CDH13: variants seen among roughly 807,000 people sequenced by gnomAD.
CDH13 encodes cadherin 13, also known as cadherin-13.
CDH13 carries 24 observed loss-of-function variants against 63.8 expected under a neutral mutation model. That is an observed-to-expected ratio of 0.38 (90% CI 0.27 to 0.53). The LOEUF (loss-of-function observed/expected upper bound fraction) is 0.53. CDH13 is among the 20% of genes least tolerant of loss of function. The pLI, the probability that CDH13 is intolerant of heterozygous loss-of-function variation, is 0.85. For synonymous variants in CDH13, 503 were observed against 355.3 expected (o/e 1.42, Z -4.67); for missense variants, 1,049 against 903.1 (o/e 1.16, Z -2.07).
At chr16:83,266,472 T>C (rs1907634947) in intron 5 of CDH13, among the ~76,000 whole-genome samples, 1 of 152,206 alleles carries the variant, frequency 6.6e-6, no homozygotes, top group African/African-American at 2.4e-5. Context: ...ATTTTAATTA[T>C]AACATCTGTG....
chr16:83,225,660 T>G (rs2039818552), intron 5 of CDH13, among the ~76,000 whole-genome samples: 1 of 152,190 alleles, frequency 6.6e-6, no homozygotes. Context: ...TGAACTTTGT[T>G]GCCCTTAGAA....
At chr16:83,515,166 C>T (rs542293278) in intron 7 of CDH13, among the ~76,000 whole-genome samples, 1 of 152,272 alleles carries the variant, frequency 6.6e-6, no homozygotes, top group African/African-American at 2.4e-5. Context: ...TTCTCCCCTG[C>T]AGATGTAAGA....
intron 5 of CDH13, among the ~76,000 whole-genome samples, chr16:83,246,463 A>T (rs1905004525): frequency 6.6e-6 from 1 of 152,202 alleles, no homozygotes; most frequent in African/African-American, 2.4e-5. Context: ...ACTCCGAGAG[A>T]TTCACTAGCT....
intron 1 of CDH13, among the ~76,000 whole-genome samples, chr16:82,744,883 G>T (rs1167587204): frequency 6.6e-6 from 1 of 152,116 alleles, no homozygotes; most frequent in East Asian, 1.9e-4. Context: ...ATACCCAGTT[G>T]TATCACTCTA....
At chr16:82,746,505 T>A (rs1230750990) in intron 1 of CDH13, among the ~76,000 whole-genome samples, 2 of 152,054 alleles carry the variant, frequency 1.3e-5, no homozygotes, top group African/African-American at 4.8e-5. Flanking sequence ...AATCTAAGAC[T>A]TTTTTCATTT....
chr16:83,794,930 T>C, intron 13 of CDH13, 93 bp from the exon 14 acceptor site: 2 of 1,180,786 alleles, frequency 1.7e-6, no homozygotes. Context: ...ATGTGTTTAT[T>C]ATACCTTGCC....
chr16:82,800,678 G>C (rs1025259223), intron 1 of CDH13, among the ~76,000 whole-genome samples: 4 of 152,118 alleles, frequency 2.6e-5, no homozygotes, highest in Non-Finnish European at 5.9e-5. Flanking sequence ...CATACTGCTT[G>C]TCCTTGGTCA....
chr16:83,576,386 C>G (rs1484619560), intron 7 of CDH13, among the ~76,000 whole-genome samples: 1 of 152,162 alleles, frequency 6.6e-6, no homozygotes, highest in African/African-American at 2.4e-5. Flanking sequence ...ATGGGTGGAG[C>G]ACATTTTGTT....
chr16:83,228,336 G>A (rs149237868), intron 5 of CDH13, among the ~76,000 whole-genome samples: 5 of 152,300 alleles, frequency 3.3e-5, no homozygotes, highest in South Asian at 2.1e-4. Flanking sequence ...CTTGCATGGC[G>A]TTGGCCACTC....
intron 1 of CDH13, among the ~76,000 whole-genome samples, chr16:82,734,844 G>C (rs1304243798): frequency 1.3e-5 from 2 of 152,210 alleles, no homozygotes; most frequent in Non-Finnish European, 2.9e-5. Flanking sequence ...CTGGGTGATT[G>C]TTGAGAAGCT....
chr16:82,748,696 C>G (rs1248545063), intron 1 of CDH13, among the ~76,000 whole-genome samples: 1 of 152,148 alleles, frequency 6.6e-6, no homozygotes. Flanking sequence ...TGTCACAGAT[C>G]AGAATCTACC....
intron 6 of CDH13, among the ~76,000 whole-genome samples, chr16:83,468,767 A>G (rs968021431): frequency 6.6e-6 from 1 of 152,096 alleles, no homozygotes; most frequent in Non-Finnish European, 1.5e-5. Flanking sequence ...AGTTTTTAAA[A>G]TTTTATTTTA....
At chr16:82,935,248 T>C (rs2042631266) in intron 2 of CDH13, among the ~76,000 whole-genome samples, 1 of 152,138 alleles carries the variant, frequency 6.6e-6, no homozygotes, top group African/African-American at 2.4e-5. Context: ...CAGCTCCTTA[T>C]AAAGCCATTA....
At chr16:82,978,108 A>G (rs1909772964) in intron 2 of CDH13, among the ~76,000 whole-genome samples, 1 of 152,146 alleles carries the variant, frequency 6.6e-6, no homozygotes, top group Non-Finnish European at 1.5e-5. Flanking sequence ...GAGATGATTT[A>G]GGGTATCTGG....
At chr16:83,248,617 C>T (rs1191267299) in intron 5 of CDH13, among the ~76,000 whole-genome samples, 1 of 152,180 alleles carries the variant, frequency 6.6e-6, no homozygotes, top group Non-Finnish European at 1.5e-5. Context: ...GTTTCTGTCT[C>T]TCAGAATACT....
At chr16:83,594,665 G>A (rs901679908) in intron 7 of CDH13, among the ~76,000 whole-genome samples, 2 of 152,214 alleles carry the variant, frequency 1.3e-5, no homozygotes, top group African/African-American at 2.4e-5. Context: ...GCGAGAGAGA[G>A]ATGGGGTACT....
intron 1 of CDH13, among the ~76,000 whole-genome samples, chr16:82,719,914 T>C (rs1376480610): frequency 1.3e-5 from 2 of 151,848 alleles, no homozygotes; most frequent in African/African-American, 4.8e-5. Flanking sequence ...TGCTAGGTTC[T>C]TGAAAACTGT....
chr16:83,615,439 A>C (rs1909204457), intron 8 of CDH13, among the ~76,000 whole-genome samples: 1 of 152,120 alleles, frequency 6.6e-6, no homozygotes, highest in South Asian at 2.1e-4. Context: ...AAGCCGATTA[A>C]ATGTTTTTCC....
chr16:83,541,863 G>T (rs191490139), intron 7 of CDH13, among the ~76,000 whole-genome samples: 2 of 152,214 alleles, frequency 1.3e-5, no homozygotes, highest in South Asian at 2.1e-4. Context: ...GCCCTAGACA[G>T]AGCTTGCATC....
Sources: allele counts gnomAD v4.1 joint callset (sites outside exome capture counted in the v4.1 genomes callset), GRCh38; gene constraint gnomAD v4.1.1; transcripts MANE v1.5; gene names NCBI Gene and HGNC (gene_info 2026-07-23, HGNC 2026-07-21).